The following BLK variants were observed in gnomAD, a reference collection of about 807,000 sequenced individuals.
BLK encodes BLK proto-oncogene, Src family tyrosine kinase, also known as tyrosine-protein kinase Blk.
In BLK, 64 loss-of-function variants were observed where a neutral mutation model predicts 61.8. The observed-to-expected ratio is 1.03, with a 90% CI of 0.85 to 1.27. The LOEUF (loss-of-function observed/expected upper bound fraction) is 1.27, where lower values mean the gene tolerates loss of function less well. Ranked by LOEUF, BLK falls within the 50% of genes most tolerant of loss-of-function variation. The probability of loss-of-function intolerance (pLI) is 0.00; values close to 1 mark genes in which losing one functional copy is unlikely to be tolerated. For synonymous variants in BLK, 351 were observed against 272.0 expected, an observed-to-expected ratio of 1.29 and a Z score of -2.86; for missense variants, 853 against 660.5, an observed-to-expected ratio of 1.29 and a Z score of -3.19.
At chr8:11,557,630 A>G (rs1219393215) in intron 9 of BLK, among the ~76,000 whole-genome samples, 1 of 152,144 alleles carries the variant, frequency 6.6e-6, no homozygotes, top group African/African-American at 2.4e-5. Context: ...GGGGGGAAAG[A>G]CAAGAAGGGG....
intron 1 of BLK, among the ~76,000 whole-genome samples, chr8:11,525,900 A>G (rs534341352): frequency 6.6e-6 from 1 of 151,966 alleles, no homozygotes; most frequent in Non-Finnish European, 1.5e-5. Flanking sequence ...ACCCACCACC[A>G]TGTCCGGCTG....
At chr8:11,506,181 C>T (rs1798764031) in intron 1 of BLK, among the ~76,000 whole-genome samples, 1 of 152,198 alleles carries the variant, frequency 6.6e-6, no homozygotes, top group Admixed American at 6.5e-5. Context: ...CTGGAGCTGT[C>T]TCTTTGCCAC....
At chr8:11,494,768 A>C (rs1798303043) in intron 1 of BLK, among the ~76,000 whole-genome samples, 177 bp downstream of exon 1, 1 of 152,320 alleles carries the variant, frequency 6.6e-6, no homozygotes, top group East Asian at 1.9e-4. Flanking sequence ...TGGTTTGTGC[A>C]TTTCCAGTTT....
At chr8:11,513,371 G>A (rs1313753539) in intron 1 of BLK, among the ~76,000 whole-genome samples, 12 of 152,306 alleles carry the variant, frequency 7.9e-5, no homozygotes, top group African/African-American at 2.6e-4. Context: ...GTGGAGAGAC[G>A]AAGAGAAACC....
At chr8:11,535,516 G>C (rs2248791) in intron 1 of BLK, among the ~76,000 whole-genome samples, 34 of 152,216 alleles carry the variant, frequency 2.2e-4, no homozygotes, top group Non-Finnish European at 3.7e-4. Context: ...TGTTGGGAGT[G>C]TGCCTGGTAT....
intron 1 of BLK, among the ~76,000 whole-genome samples, chr8:11,528,097 C>T (rs576990994): frequency 2.8e-4 from 42 of 152,228 alleles, no homozygotes; most frequent in African/African-American, 9.6e-4. Context: ...AGTTCAATGG[C>T]GTGATCTCAG....
intron 6 of BLK, chr8:11,552,484 A>G (rs1800951461): frequency 6.6e-6 from 1 of 152,230 alleles, no homozygotes; most frequent in Non-Finnish European, 1.5e-5. Flanking sequence ...TTTGGGAATC[A>G]CTGGAGATGA....
chr8:11,520,224 C>A (rs942044998), intron 1 of BLK, among the ~76,000 whole-genome samples: 1 of 151,870 alleles, frequency 6.6e-6, no homozygotes, highest in Admixed American at 6.6e-5. Context: ...CAAGTGTAAT[C>A]CCAGCACTTT....
At chr8:11,498,342 T>C (rs1026224505) in intron 1 of BLK, among the ~76,000 whole-genome samples, 2 of 152,230 alleles carry the variant, frequency 1.3e-5, no homozygotes, top group Admixed American at 6.5e-5. Context: ...ATTGAGTCTG[T>C]GGATTCCTGA....
rs139315578 is a variant in BLK at position 11,518,691 on chromosome 8, C to G, written c.-2+24100C>G. Among the ~76,000 whole-genome samples, 199 of 152,266 alleles carry G rather than the reference C, an allele frequency of 1.3e-3. 1 individual carries two copies. Among genetic ancestry groups the G allele is most frequent in the South Asian group, 1.0e-3 (5 of 4,822 alleles). On this transcript the variant is annotated intron_variant, in intron 1 of 12. Transcript: ENST00000259089. ...AGTGATCCCTTTAAAGGTAAGTCAG[C>G]TCCTCCTTAAAACCATACAATGGTC...
intron 1 of BLK, among the ~76,000 whole-genome samples, chr8:11,506,928 G>C (rs1194845617): frequency 6.6e-6 from 1 of 152,208 alleles, no homozygotes; most frequent in Non-Finnish European, 1.5e-5. Flanking sequence ...ATCACGGGCT[G>C]AAAGCAGGAA....
intron 1 of BLK, among the ~76,000 whole-genome samples, chr8:11,497,038 C>A (rs187032430): frequency 2.0e-5 from 3 of 152,084 alleles, no homozygotes; most frequent in Non-Finnish European, 4.4e-5. Context: ...GAAACCTGGC[C>A]CCTCTTGCAG....
Position 11,538,273 on chromosome 8 carries a change from G to A in BLK, c.-1-4951G>A, listed in dbSNP as rs191721130. Reference sequence around the variant, plus strand: ...TGGAGCCCCAGCCAGTGTGTGATGCGTTTTGCCTCTGTCTGGACTTCTGCA... The same window carrying A: ...TGGAGCCCCAGCCAGTGTGTGATGCATTTTGCCTCTGTCTGGACTTCTGCA... On this transcript the variant is annotated intron_variant, in intron 1 of 12. Transcript: ENST00000259089. Among the ~76,000 whole-genome samples, 131 of 152,286 alleles carry A rather than the reference G, an allele frequency of 8.6e-4. No homozygotes were observed. The Middle Eastern group carries it at 0.01, about 12-fold the overall frequency.
intron 2 of BLK, among the ~76,000 whole-genome samples, chr8:11,544,704 T>C (rs118041502): frequency 0.013 from 1,909 of 152,272 alleles, 15 homozygotes; most frequent in Non-Finnish European, 0.02. Flanking sequence ...GTCACCAGAG[T>C]TGCCTCGAGA....
At chr8:11,508,492 G>C (rs558403689) in intron 1 of BLK, among the ~76,000 whole-genome samples, 2 of 152,322 alleles carry the variant, frequency 1.3e-5, no homozygotes, top group South Asian at 4.1e-4. Flanking sequence ...GCCCCCTCTT[G>C]GTGAGCCACA....
chr8:11,527,723 G>A lies in BLK; in HGVS notation c.-1-15501G>A, dbSNP rs559419521. On this transcript the variant is annotated intron_variant, in intron 1 of 12. Transcript: ENST00000259089. The stretch of plus-strand genomic sequence containing the variant: ...GGCCACAGGACAAGTTGAGTCATGA[G>A]TTTTGAGTTTGGGTGGGGTCCATTG... Among the ~76,000 whole-genome samples the A allele has an allele frequency of 1.1e-4, 16 of 151,346 alleles. No homozygotes were observed. In the East Asian group the frequency reaches 2.9e-3, roughly 28 times the overall value.
In BLK at chr8:11,556,695, G is replaced by C; in HGVS notation, c.810G>C (p.Thr270=). The C allele has an allele frequency of 1.2e-6, 2 of 1,614,172 alleles. No homozygotes were observed. Among genetic ancestry groups the C allele is most frequent in the Non-Finnish European group, 1.7e-6 (2 of 1,180,026 alleles). Residue 270 remains threonine (T), a synonymous_variant, in exon 9 of 13, where the codon ACG becomes ACC. Transcript: ENST00000259089. ...YKNNMKVAIK[T]LKEGTMSPEA... ...ACAACATGAAGGTGGCCATTAAGAC[G>C]CTGAAGGAGGGAACCATGTCTCCAG...
intron 1 of BLK, among the ~76,000 whole-genome samples, chr8:11,519,233 G>A (rs990962670): frequency 2.6e-5 from 4 of 152,148 alleles, no homozygotes; most frequent in African/African-American, 9.7e-5. Context: ...CCCTCTCTGG[G>A]ACTCCCCTGG....
intron 8 of BLK, chr8:11,556,266 C>A: frequency 3.1e-6 from 1 of 321,860 alleles, no homozygotes; most frequent in Non-Finnish European, 6.0e-6. Context: ...AGGAGACCCC[C>A]ATGCGTCATC....
Sources: allele counts gnomAD v4.1 joint callset (sites outside exome capture counted in the v4.1 genomes callset), GRCh38; gene constraint gnomAD v4.1.1; transcripts MANE v1.5; gene names NCBI Gene and HGNC (gene_info 2026-07-23, HGNC 2026-07-21).